HAUS8: variants seen among roughly 807,000 people sequenced by gnomAD.
HAUS8 encodes HAUS augmin-like complex subunit 8.
HAUS8 carries 38 observed loss-of-function variants against 42.9 expected under a neutral mutation model. The observed-to-expected ratio is 0.89, with a 90% CI of 0.68 to 1.16. The LOEUF is 1.16. HAUS8 is among the 50% of genes most tolerant of loss of function. HAUS8 has a pLI of 0.00. For synonymous variants in HAUS8, 199 were observed against 205.8 expected (o/e 0.97, Z 0.28); for missense variants, 494 against 511.6 (o/e 0.97, Z 0.33).
intron 3 of HAUS8, among the ~76,000 whole-genome samples, chr19:17,065,192 C>A (rs1363727784): frequency 1.3e-5 from 2 of 152,224 alleles, no homozygotes; most frequent in Non-Finnish European, 2.9e-5. Context: ...TAACAACTTG[C>A]ACTTTTCATC....
chr19:17,075,488 G>A (rs1382461611), upstream of HAUS8: 1 of 1,583,312 alleles, frequency 6.3e-7, no homozygotes, highest in African/African-American at 1.3e-5. Context: ...CCCCTTGCTT[G>A]CGGGTCGGAC....
intron 3 of HAUS8, 26 bp from the exon 4 acceptor site, chr19:17,062,805 G>A: frequency 1.3e-6 from 2 of 1,564,036 alleles, no homozygotes; most frequent in East Asian, 2.2e-5. Flanking sequence ...ATGACACTCA[G>A]AGGACAAGAC....
intron 3 of HAUS8, among the ~76,000 whole-genome samples, chr19:17,064,280 G>A (rs2123374719): frequency 6.6e-6 from 1 of 152,364 alleles, no homozygotes; most frequent in East Asian, 1.9e-4. Flanking sequence ...CATGTTCATG[G>A]ATTGAAAGAC....
At chr19:17,072,696 T>C (rs570451175) in intron 2 of HAUS8, among the ~76,000 whole-genome samples, 2 of 151,900 alleles carry the variant, frequency 1.3e-5, no homozygotes, top group South Asian at 2.1e-4. Flanking sequence ...TCGCCCAGGC[T>C]GGAGTGCAGT....
intron 8 of HAUS8, 99 bp from the exon 9 acceptor site, chr19:17,056,101 T>C (rs2057324809): frequency 2.8e-6 from 3 of 1,078,348 alleles, no homozygotes; most frequent in Non-Finnish European, 4.2e-6. Flanking sequence ...TACAGCGCTG[T>C]TCTTCACCAC....
At chr19:17,057,640 C>G (rs573551638) in intron 8 of HAUS8, among the ~76,000 whole-genome samples, 1 of 152,164 alleles carries the variant, frequency 6.6e-6, no homozygotes, top group Admixed American at 6.5e-5. Flanking sequence ...TCCCTAAAGT[C>G]AGAGACCTTG....
At chr19:17,057,579 C>T (rs879317691) in intron 8 of HAUS8, among the ~76,000 whole-genome samples, 36 of 152,098 alleles carry the variant, frequency 2.4e-4, no homozygotes, top group Admixed American at 9.2e-4. Flanking sequence ...ACTTCAAATT[C>T]GTGTTGTTTG....
At chr19:17,051,149 T>G (rs2057285030) in intron 10 of HAUS8, among the ~76,000 whole-genome samples, 1 of 152,110 alleles carries the variant, frequency 6.6e-6, no homozygotes, top group South Asian at 2.1e-4. Flanking sequence ...CGTTCATGGA[T>G]GAATGAGTTA....
intron 3 of HAUS8, among the ~76,000 whole-genome samples, chr19:17,068,640 G>A (rs1348967906): frequency 6.6e-6 from 1 of 152,052 alleles, no homozygotes; most frequent in African/African-American, 2.4e-5. Context: ...GGTAGCACAC[G>A]CCTTTCGTCC....
At chr19:17,072,949 CA>C (rs201634583) in intron 2 of HAUS8, among the ~76,000 whole-genome samples, 1,186 of 84,754 alleles carry the variant, frequency 0.014, 6 homozygotes, top group Middle Eastern at 0.076. Flanking sequence ...GACCCCAACT[CA>C]AAAAAAAAAA....
intron 2 of HAUS8, among the ~76,000 whole-genome samples, chr19:17,072,743 T>C (rs909560863): frequency 2.0e-5 from 3 of 151,558 alleles, no homozygotes; most frequent in African/African-American, 7.3e-5. Context: ...CCGTTAACGG[T>C]GATCCCAGAC....
At chr19:17,073,871 A>G (rs1217329788) in intron 1 of HAUS8, 1 of 161,940 alleles carries the variant, frequency 6.2e-6, no homozygotes, top group Admixed American at 6.0e-5. Flanking sequence ...GGGTGGTGGC[A>G]TGCGCCTGTA....
chr19:17,075,147 G>T, intron 1 of HAUS8: 1 of 548,908 alleles, frequency 1.8e-6, no homozygotes, highest in Non-Finnish European at 3.3e-6. Flanking sequence ...GGCACTGGGC[G>T]GTCAGGCCGC....
At chr19:17,072,949 C>CAAAAA (rs201634583) in intron 2 of HAUS8, among the ~76,000 whole-genome samples, 1 of 84,786 alleles carries the variant, frequency 1.2e-5, no homozygotes, top group Non-Finnish European at 2.2e-5. Flanking sequence ...GACCCCAACT[C>CAAAAA]AAAAAAAAAA....
intron 4 of HAUS8, 75 bp from the exon 5 acceptor site, chr19:17,060,167 T>C: frequency 1.9e-6 from 2 of 1,034,134 alleles, no homozygotes. Flanking sequence ...ACGCAGGCCG[T>C]GTTTTTGAAC....
At chr19:17,060,718 T>G (rs1410849524) in intron 4 of HAUS8, among the ~76,000 whole-genome samples, 1 of 152,166 alleles carries the variant, frequency 6.6e-6, no homozygotes, top group Non-Finnish European at 1.5e-5. Context: ...AAGTAATCTT[T>G]CCATCTTTTT....
At chr19:17,075,143 G>C (rs1164960990) in intron 1 of HAUS8, 1 of 553,358 alleles carries the variant, frequency 1.8e-6, no homozygotes, top group Non-Finnish European at 3.3e-6. Context: ...GCGAGGCACT[G>C]GGCGGTCAGG....
chr19:17,050,231 G>A, intron 10 of HAUS8, 55 bp from the exon 11 acceptor site: 3 of 1,373,562 alleles, frequency 2.2e-6, no homozygotes, highest in Non-Finnish European at 2.9e-6. Context: ...TGAAGCGCAT[G>A]TGTGTGGTGA....
rs775550389 is a variant in HAUS8 at position 17,069,035 on chromosome 19, T to G, written c.143A>C (p.Gln48Pro). Reference protein sequence around the residue: ...RYLQYEKKTTQKAPAGDGSQT... With the variant: ...RYLQYEKKTTPKAPAGDGSQT... ...GGAAGCTGGGTGCGGCCTTACCTTT[T>G]GGGTTGTCTTCTTTTCATACTGCAG... is the stretch of plus-strand genomic sequence containing the variant. The change falls in exon 3 of 11, where the codon CAA (glutamine) becomes CCA (proline). Residue 48 changes from glutamine to proline, a missense_variant. Gln to Pro is a moderately conservative substitution (Grantham distance 76). Transcript: ENST00000253669. 6.2e-7 allele frequency: 1 copy of G among 1,613,094 alleles called. No homozygotes were observed. Among genetic ancestry groups the G allele is most frequent in the South Asian group, 1.1e-5 (1 of 90,832 alleles).
Sources: gnomAD v4.1 joint callset for allele counts (sites outside exome capture counted in the v4.1 genomes callset) on GRCh38, gnomAD v4.1.1 for gene constraint, MANE v1.5 for transcripts, NCBI Gene and HGNC (gene_info 2026-07-23, HGNC 2026-07-21) for gene names.